Variants in SERPINB12 observed in about 807,000 individuals in gnomAD.
The protein encoded by SERPINB12 is serpin B12.
A neutral mutation model predicts 41.1 loss-of-function variants in SERPINB12; 57 were observed. The observed-to-expected ratio is 1.39, with a 90% confidence interval of 1.12 to 1.73. The LOEUF (loss-of-function observed/expected upper bound fraction) is 1.73, where lower values mean the gene tolerates loss of function less well. Ranked by LOEUF, SERPINB12 falls within the 40% of genes most tolerant of loss-of-function variation. The pLI is 0.00. For missense variants in SERPINB12, 536 were observed against 501.9 expected (o/e 1.07, Z -0.65); for synonymous variants, 180 against 181.3 (o/e 0.99, Z 0.06).
At chr18:63,532,718 G>A in the SERPINB12 span, among the ~76,000 whole-genome samples, 1 of 152,076 alleles carries the variant, frequency 6.6e-6, no homozygotes, top group Non-Finnish European at 1.5e-5. Context: ...TTTGCTGAGG[G>A]GTTGCTAACC....
At chr18:63,539,634 A>C (rs1910236707), upstream of SERPINB12, among the ~76,000 whole-genome samples, 1 of 152,092 alleles carries the variant, frequency 6.6e-6, no homozygotes, top group South Asian at 2.1e-4. Flanking sequence ...AAGCAACAGC[A>C]AAATCTTGTC....
At chr18:63,559,269 C>T (rs926733784) in intron 3 of SERPINB12, among the ~76,000 whole-genome samples, 5 of 151,714 alleles carry the variant, frequency 3.3e-5, no homozygotes, top group African/African-American at 1.2e-4. Context: ...CATGCCTGGC[C>T]TCTTTGAAAT....
At chr18:63,537,126 A>C in the SERPINB12 span, among the ~76,000 whole-genome samples, 10 of 152,216 alleles carry the variant, frequency 6.6e-5, no homozygotes, top group Non-Finnish European at 1.2e-4. Context: ...AATTTATCAC[A>C]TGAAAACCTA....
At chr18:63,547,691 G>A (rs1910420399) in intron 1 of SERPINB12, among the ~76,000 whole-genome samples, 1 of 151,994 alleles carries the variant, frequency 6.6e-6, no homozygotes, top group African/African-American at 2.4e-5. Flanking sequence ...TACTATAAGG[G>A]AAAATTGTAA....
At chr18:63,546,421 A>G (rs1013951365) in intron 1 of SERPINB12, among the ~76,000 whole-genome samples, 2 of 152,216 alleles carry the variant, frequency 1.3e-5, no homozygotes, top group Non-Finnish European at 2.9e-5. Context: ...TTTCAGTTGT[A>G]AAATATGTGT....
chr18:63,523,759 GA>G, the SERPINB12 span, among the ~76,000 whole-genome samples: 12 of 151,832 alleles, frequency 7.9e-5, no homozygotes, highest in Admixed American at 5.3e-4. Flanking sequence ...TTAATAAATG[GA>G]AAAAAAAGTT....
intron 1 of SERPINB12, among the ~76,000 whole-genome samples, chr18:63,546,694 T>A (rs896719690): frequency 1.3e-5 from 2 of 152,208 alleles, no homozygotes; most frequent in African/African-American, 2.4e-5. Context: ...TCTATAAAAT[T>A]GGAAAGAGCA....
At chr18:63,556,583 C>A (rs1417414370) in intron 2 of SERPINB12, among the ~76,000 whole-genome samples, 1 of 152,186 alleles carries the variant, frequency 6.6e-6, no homozygotes, top group Non-Finnish European at 1.5e-5. Flanking sequence ...TTTTCTCATT[C>A]ATCTCTATCT....
At chr18:63,537,992 T>C (rs1372942579), upstream of SERPINB12, among the ~76,000 whole-genome samples, 1 of 152,126 alleles carries the variant, frequency 6.6e-6, no homozygotes, top group Non-Finnish European at 1.5e-5. Context: ...ATTTCGGATC[T>C]GTCTTATTCA....
intron 1 of SERPINB12, among the ~76,000 whole-genome samples, chr18:63,553,035 G>A (rs1004046369): frequency 5.3e-5 from 8 of 152,080 alleles, no homozygotes; most frequent in Non-Finnish European, 1.0e-4. Context: ...GGGAGGTGAG[G>A]CAGCATTAAA....
intron 3 of SERPINB12, among the ~76,000 whole-genome samples, chr18:63,559,058 C>CTTTCTT (rs778900558): frequency 0.12 from 12,375 of 105,598 alleles, 917 homozygotes; most frequent in Non-Finnish European, 0.16. Flanking sequence ...TTCTTTCTTT[C>CTTTCTT]TCTCCTTCTT....
chr18:63,565,474 G>A lies in SERPINB12; in HGVS notation c.735G>A (p.Thr245=), dbSNP rs759853113. The A allele has an allele frequency of 5.1e-5, 83 of 1,613,326 alleles. No homozygotes were observed. Among genetic ancestry groups the A allele is most frequent in the Middle Eastern group, 1.6e-4 (1 of 6,084 alleles). The part of the protein sequence containing the change: ...ANENKSVKMM[T]QKGLYRIGFI... Reference sequence around the variant, plus strand: ...AAAACAAGAGTGTGAAGATGATGACGCAAAAAGGCCTCTACAGAATTGGCT... The same window carrying A: ...AAAACAAGAGTGTGAAGATGATGACACAAAAAGGCCTCTACAGAATTGGCT... Residue 245 remains threonine, a synonymous_variant, in exon 7 of 8, where the codon ACG becomes ACA. Transcript: ENST00000382768.
chr18:63,542,869 A>G (rs141983971), intron 1 of SERPINB12, among the ~76,000 whole-genome samples: 1 of 152,106 alleles, frequency 6.6e-6, no homozygotes, highest in Non-Finnish European at 1.5e-5. Context: ...TTTAGCTCCC[A>G]CTTATAAGTT....
chr18:63,522,816 TG>T, the SERPINB12 span, among the ~76,000 whole-genome samples: 9 of 152,066 alleles, frequency 5.9e-5, no homozygotes, highest in Non-Finnish European at 1.3e-4. Flanking sequence ...GTTAAAAATC[TG>T]GAAATTGATA....
At chr18:63,558,212 C>G (rs1910742450) in intron 2 of SERPINB12, 140 bp from the exon 3 acceptor site, 7 of 932,076 alleles carry the variant, frequency 7.5e-6, no homozygotes, top group Non-Finnish European at 1.1e-5. Context: ...ACAGAAGCAC[C>G]CACTTTCCTT....
the SERPINB12 span, among the ~76,000 whole-genome samples, chr18:63,533,544 G>C: frequency 6.6e-6 from 1 of 152,146 alleles, no homozygotes; most frequent in African/African-American, 2.4e-5. Flanking sequence ...TGCAGATAAT[G>C]GAACAGAGGC....
chr18:63,561,365 C>T (rs1399923451), intron 5 of SERPINB12, among the ~76,000 whole-genome samples, 163 bp downstream of exon 5: 2 of 152,122 alleles, frequency 1.3e-5, no homozygotes, highest in East Asian at 1.9e-4. Context: ...TCACACCAGT[C>T]AGAATGACTA....
intron 3 of SERPINB12, among the ~76,000 whole-genome samples, chr18:63,558,941 C>A (rs529821303): frequency 2.8e-4 from 43 of 152,116 alleles, no homozygotes; most frequent in Non-Finnish European, 5.0e-4. Context: ...GGGTATGCAT[C>A]CCCCTACTTT....
In SERPINB12 at chr18:63,566,709, G is replaced by A. The variant is rs367650019; in HGVS notation, c.976G>A (p.Asp326Asn). ...VLSFPRFTLE[D>N]SYDLNSILQD... ...GTCCTTCCCCCGGTTCACCCTGGAA[G>A]ACAGCTATGATCTCAATTCCATTTT... Residue 326 changes from aspartate (D) to asparagine (N), a missense_variant, in exon 8 of 8, where the codon GAC (aspartate) becomes AAC (asparagine). Physicochemically the swap from Asp to Asn is conservative, Grantham distance 23. Transcript: ENST00000382768. 5.6e-6 allele frequency: 9 copies of A among 1,614,192 alleles called. No homozygotes were observed. The highest frequency in any genetic ancestry group is 7.6e-6 in the Non-Finnish European group (9 of 1,180,028).
Sources: gnomAD v4.1 joint callset for allele counts (sites outside exome capture counted in the v4.1 genomes callset) on GRCh38, gnomAD v4.1.1 for gene constraint, MANE v1.5 for transcripts, NCBI Gene and HGNC (gene_info 2026-07-23, HGNC 2026-07-21) for gene names.